Variants in FAM181B observed in about 807,000 individuals in gnomAD.
The protein encoded by FAM181B is family with sequence similarity 181 member B.
In FAM181B, 13 loss-of-function variants were observed where a neutral mutation model predicts 17.8. The observed-to-expected ratio is 0.73, with a 90% CI of 0.48 to 1.16. FAM181B has a LOEUF of 1.16. Among genes scored for constraint, FAM181B ranks in the 50% most tolerant of loss-of-function variants. The pLI is 0.00. For missense variants in FAM181B, 725 were observed against 634.1 expected, an observed-to-expected ratio of 1.14 and a Z score of -1.54; for synonymous variants, 338 against 316.5, an observed-to-expected ratio of 1.07 and a Z score of -0.72.
chr11:82,732,568 G>A lies in FAM181B; in HGVS notation c.1162C>T (p.Pro388Ser). Residue 388 changes from proline (P) to serine (S), a missense_variant, in exon 1 of 1, where the codon CCC becomes TCC. By Grantham distance (74) the Pro-to-Ser change is moderately conservative. Coordinates refer to ENST00000329203, the MANE Select transcript of FAM181B (RefSeq NM_175885.4). ...CTGTAATCGTAGGACACCTGATGGG[G>A]CGGCGGCGGCGGGGGCAGGGCGCAG... is the stretch of plus-strand genomic sequence containing the variant. Reference protein sequence around the residue: ...PDCALPPPPPPHQVSYDYSAG... With the variant: ...PDCALPPPPPSHQVSYDYSAG... 6.3e-7 allele frequency: 1 copy of A among 1,599,930 alleles called. No homozygotes were observed. The highest frequency in any genetic ancestry group is 8.5e-7 in the Non-Finnish European group (1 of 1,173,398).
In FAM181B at chr11:82,733,760, G is replaced by C; in HGVS notation, c.-31C>G. On this transcript the variant is annotated 5_prime_UTR_variant, in exon 1 of 1. Coordinates refer to ENST00000329203, the MANE Select transcript of FAM181B (RefSeq NM_175885.4). Reference sequence around the variant, plus strand: ...CGGCTCCCGGGCTGTCCGCAGCGCTGCCCGTGCGCCCCCGCCAGCTCCTGC... The same window carrying C: ...CGGCTCCCGGGCTGTCCGCAGCGCTCCCCGTGCGCCCCCGCCAGCTCCTGC... 1 of 1,305,890 alleles carries C rather than the reference G, an allele frequency of 7.7e-7. No homozygotes were observed. Among genetic ancestry groups the C allele is most frequent in the East Asian group, 3.1e-5 (1 of 31,746 alleles). 80.9% of individuals were successfully genotyped at this position (1,305,890 alleles called of 1,614,324 possible).
chr11:82,731,370 T>C lies in FAM181B; in HGVS notation c.*1079A>G, dbSNP rs1230466378. 1 of 152,098 alleles carries C rather than the reference T, an allele frequency of 6.6e-6. No homozygotes were observed. The highest frequency in any genetic ancestry group is 1.5e-5 in the Non-Finnish European group (1 of 68,040). 9.4% of individuals were successfully genotyped at this position (152,098 alleles called of 1,614,324 possible). ...GATGGTAAAGAGGATGTACAGCTTG[T>C]AAGGGAAAGGGCAATCACCAGGCAA... On this transcript the variant is annotated 3_prime_UTR_variant, in exon 1 of 1. Coordinates refer to ENST00000329203, the MANE Select transcript of FAM181B (RefSeq NM_175885.4).
Position 82,731,954 on chromosome 11 carries a change from C to G in FAM181B, c.*495G>C, listed in dbSNP as rs187572073. On this transcript the variant is annotated 3_prime_UTR_variant, in exon 1 of 1. Coordinates refer to ENST00000329203, the MANE Select transcript of FAM181B (RefSeq NM_175885.4). ...CACCTAACAAAGCTAAGCGACCAGA[C>G]GGAAAACCGTCCTGTAAGAAAACAC... is the stretch of plus-strand genomic sequence containing the variant. The G allele has an allele frequency of 6.5e-6, 1 of 153,620 alleles. No individual in the cohort carries two copies. The highest frequency in any genetic ancestry group is 2.4e-5 in the African/African-American group (1 of 41,460). 9.5% of individuals were successfully genotyped at this position (153,620 alleles called of 1,614,324 possible).
rs1591001529 is a variant in FAM181B, at chr11:82,730,763, C to G, written c.*1686G>C. 1 of 152,184 alleles carries G rather than the reference C, an allele frequency of 6.6e-6. No individual in the cohort carries two copies. The highest frequency in any genetic ancestry group is 2.4e-5 in the African/African-American group (1 of 41,446). 9.4% of individuals were successfully genotyped at this position (152,184 alleles called of 1,614,324 possible). On this transcript the variant is annotated 3_prime_UTR_variant, in exon 1 of 1. Transcript: ENST00000329203. The stretch of plus-strand genomic sequence containing the variant: ...TTAATACTCATTTTTTCCAGAAATT[C>G]TTTTATGAAAATATCACAATACTTT...
chr11:82,733,749 T>TCCGCAGCGCTGC lies in FAM181B; in HGVS notation c.-32_-21dup, dbSNP rs1363958174. On this transcript the variant is annotated 5_prime_UTR_variant, in exon 1 of 1. Coordinates refer to ENST00000329203, the MANE Select transcript of FAM181B (RefSeq NM_175885.4). ...CGCCATCGCCGCGGCTCCCGGGCTG[T>TCCGCAGCGCTGC]CCGCAGCGCTGCCCGTGCGCCCCCG... is the stretch of plus-strand genomic sequence containing the variant. 7.4e-7 allele frequency: 1 copy of TCCGCAGCGCTGC among 1,349,500 alleles called. No homozygotes were observed. The highest frequency in any genetic ancestry group is 1.5e-5 in the African/African-American group (1 of 65,380). The allele number at this position is 1,349,500 out of a possible 1,614,324, so 83.6% of individuals were successfully genotyped here. A position where few individuals can be genotyped will look rare whatever the true frequency, so the allele number is the denominator to read the frequency against.
Position 82,733,581 on chromosome 11 carries a change from A to G in FAM181B, c.149T>C (p.Leu50Pro), listed in dbSNP as rs763711151. The G allele has an allele frequency of 6.2e-7, 1 of 1,603,290 alleles. No individual in the cohort carries two copies. The highest frequency in any genetic ancestry group is 8.5e-7 in the Non-Finnish European group (1 of 1,178,772). The change falls in exon 1 of 1, where the codon CTG becomes CCG. Residue 50 changes from leucine (L) to proline (P), a missense_variant. Transcript: ENST00000329203. ...GTCCCCTCCTTCGGCTCCCGACAGCAGCGCACCCGCCGGAGCCCCGGTCTC... is the reference window on the plus strand; with the variant it reads ...GTCCCCTCCTTCGGCTCCCGACAGCGGCGCACCCGCCGGAGCCCCGGTCTC... ...DDETGAPAGA[L>P]LSGAEGGDVR...
Position 82,733,762 on chromosome 11 carries a change from C to G in FAM181B, c.-33G>C. The G allele has an allele frequency of 7.7e-7, 1 of 1,303,490 alleles. No homozygotes were observed. Among genetic ancestry groups the G allele is most frequent in the Non-Finnish European group, 9.7e-7 (1 of 1,026,472 alleles). 80.7% of individuals were successfully genotyped at this position (1,303,490 alleles called of 1,614,324 possible). A position where few individuals can be genotyped will look rare whatever the true frequency, so the allele number is the denominator to read the frequency against. On this transcript the variant is annotated 5_prime_UTR_variant, in exon 1 of 1. Coordinates refer to ENST00000329203, the MANE Select transcript of FAM181B (RefSeq NM_175885.4). ...GCTCCCGGGCTGTCCGCAGCGCTGC[C>G]CGTGCGCCCCCGCCAGCTCCTGCCC... is the stretch of plus-strand genomic sequence containing the variant.
rs745663474 is a variant in FAM181B, at chr11:82,733,541, GGTGGCCTCGCGC to G, written c.177_188del (p.Glu61_Arg64del). The G allele has an allele frequency of 7.5e-6, 12 of 1,607,394 alleles. No individual in the cohort carries two copies. The highest frequency in any genetic ancestry group is 7.6e-6 in the Non-Finnish European group (9 of 1,179,056). ...AGTCAATGAAGCTGAGTAGATCGCG[GGTGGCCTCGCGC>G]ACGTCCCCTCCTTCGGCTCCCGACA... On this transcript the variant is annotated inframe_deletion, in exon 1 of 1. Transcript: ENST00000329203.
Position 82,733,555 on chromosome 11 carries a change from C to G in FAM181B, c.175G>C (p.Val59Leu). The G allele has an allele frequency of 3.7e-6, 6 of 1,601,654 alleles. No individual in the cohort carries two copies. The highest frequency in any genetic ancestry group is 5.1e-6 in the Non-Finnish European group (6 of 1,177,262). The stretch of plus-strand genomic sequence containing the variant: ...AGTAGATCGCGGGTGGCCTCGCGCA[C>G]GTCCCCTCCTTCGGCTCCCGACAGC... ...ALLSGAEGGDVREATRDLLSF... is the reference protein window; with the variant it reads ...ALLSGAEGGDLREATRDLLSF... Residue 59 changes from valine to leucine, a missense_variant, in exon 1 of 1, where the codon GTG becomes CTG. Val to Leu is a conservative substitution (Grantham distance 32). Coordinates refer to ENST00000329203, the MANE Select transcript of FAM181B (RefSeq NM_175885.4).
chr11:82,732,821 C>A lies in FAM181B; in HGVS notation c.909G>T (p.Leu303=). ...GCGGCGGCTCAAAGAGGCCGGGCTCCAGCTCCGGGGGTCCCCGCAGTACGG... is the reference window on the plus strand; with the variant it reads ...GCGGCGGCTCAAAGAGGCCGGGCTCAAGCTCCGGGGGTCCCCGCAGTACGG... The part of the protein sequence containing the change: ...GASVLRGPPE[L]EPGLFEPPPA... Residue 303 remains leucine, a synonymous_variant, in exon 1 of 1, where the codon CTG becomes CTT. Transcript: ENST00000329203. 6.6e-7 allele frequency: 1 copy of A among 1,522,706 alleles called. No homozygotes were observed. The highest frequency in any genetic ancestry group is 8.8e-7 in the Non-Finnish European group (1 of 1,134,196). The allele number at this position is 1,522,706 out of a possible 1,614,324, so 94.3% of individuals were successfully genotyped here.
In FAM181B at chr11:82,733,182, C is replaced by T; in HGVS notation, c.548G>A (p.Gly183Glu). 1 of 1,366,208 alleles carries T rather than the reference C, an allele frequency of 7.3e-7. No individual in the cohort carries two copies. Among genetic ancestry groups the T allele is most frequent in the African/African-American group, 1.5e-5 (1 of 65,630 alleles). The allele number at this position is 1,366,208 out of a possible 1,614,324, so 84.6% of individuals were successfully genotyped here. Reference protein sequence around the residue: ...RHVPGGAEPAGGEVAAPAAGL... With the variant: ...RHVPGGAEPAEGEVAAPAAGL... Reference sequence around the variant, plus strand: ...GGCCGCCGGCGCAGCCACCTCACCCCCCGCCGGCTCGGCACCCCCGGGGAC... The same window carrying T: ...GGCCGCCGGCGCAGCCACCTCACCCTCCGCCGGCTCGGCACCCCCGGGGAC... The change falls in exon 1 of 1, where the codon GGG (glycine) becomes GAG (glutamate). Residue 183 changes from glycine to glutamate, a missense_variant. Coordinates refer to ENST00000329203, the MANE Select transcript of FAM181B (RefSeq NM_175885.4).
In FAM181B at chr11:82,732,117, T is replaced by A; in HGVS notation, c.*332A>T. Reference sequence around the variant, plus strand: ...AAATACACTGACCTTCGCTGAAAAATAGAAGGGACAGGTGGCTACAGAAGC... The same window carrying A: ...AAATACACTGACCTTCGCTGAAAAAAAGAAGGGACAGGTGGCTACAGAAGC... On this transcript the variant is annotated 3_prime_UTR_variant, in exon 1 of 1. Coordinates refer to ENST00000329203, the MANE Select transcript of FAM181B (RefSeq NM_175885.4). 2.9e-6 allele frequency: 1 copy of A among 341,680 alleles called. No individual in the cohort carries two copies. Among genetic ancestry groups the A allele is most frequent in the Non-Finnish European group, 5.3e-6 (1 of 188,704 alleles). 21.2% of individuals were successfully genotyped at this position (341,680 alleles called of 1,614,324 possible). A position where few individuals can be genotyped will look rare whatever the true frequency, so the allele number is the denominator to read the frequency against.
chr11:82,733,310 CG>C lies in FAM181B; in HGVS notation c.419del (p.Pro140ArgfsTer54). ...AAPSAPTVAAPAHGKAAPRRE... is the reference protein window; with the variant it reads ...AAPSAPTVAAXAHGKAAPRRE... ...GCCGGGGGGCAGCCTTGCCGTGGGC[CG>C]GGGCCGCGACTGTCGGGGCGCTAGG... is the stretch of plus-strand genomic sequence containing the variant. On this transcript the variant is annotated frameshift_variant, in exon 1 of 1. Transcript: ENST00000329203. LOFTEE classifies it high-confidence loss of function. 1 of 1,231,032 alleles carries C rather than the reference CG, an allele frequency of 8.1e-7. No homozygotes were observed. Among genetic ancestry groups the C allele is most frequent in the Non-Finnish European group, 1.0e-6 (1 of 990,116 alleles). The allele number at this position is 1,231,032 out of a possible 1,614,324, so 76.3% of individuals were successfully genotyped here. A position where few individuals can be genotyped will look rare whatever the true frequency, so the allele number is the denominator to read the frequency against.
At position 82,732,746 on chromosome 11, in the gene FAM181B, G is replaced by A. The variant is rs1448654829; in HGVS notation, c.984C>T (p.Gly328=). 22 of 1,464,890 alleles carry A rather than the reference G, an allele frequency of 1.5e-5. No homozygotes were observed. The highest frequency in any genetic ancestry group is 1.8e-5 in the Non-Finnish European group (20 of 1,107,344). 90.7% of individuals were successfully genotyped at this position (1,464,890 alleles called of 1,614,324 possible). Residue 328 remains glycine, a synonymous_variant, in exon 1 of 1, where the codon GGC becomes GGT. Transcript: ENST00000329203. ...GGGGGCTCTTTTTGGTCGGGGAGCA[G>A]CCCGGGACGCTCCAGGGCTCGGGGT... ...LLYPEPWSVP[G]CSPTKKSPLT...
rs908321645 is a variant in FAM181B at position 82,733,183 on chromosome 11, C to T, written c.547G>A (p.Gly183Arg). 5.9e-6 allele frequency: 8 copies of T among 1,365,912 alleles called. No individual in the cohort carries two copies. The highest frequency in any genetic ancestry group is 7.5e-6 in the Non-Finnish European group (8 of 1,068,394). 84.6% of individuals were successfully genotyped at this position (1,365,912 alleles called of 1,614,324 possible). A position where few individuals can be genotyped will look rare whatever the true frequency, so the allele number is the denominator to read the frequency against. Residue 183 changes from glycine to arginine, a missense_variant, in exon 1 of 1, where the codon GGG (glycine) becomes AGG (arginine). By Grantham distance (125) the Gly-to-Arg change is moderately radical. Coordinates refer to ENST00000329203, the MANE Select transcript of FAM181B (RefSeq NM_175885.4). The stretch of plus-strand genomic sequence containing the variant: ...GCCGCCGGCGCAGCCACCTCACCCC[C>T]CGCCGGCTCGGCACCCCCGGGGACG... Reference protein sequence around the residue: ...RHVPGGAEPAGGEVAAPAAGL... With the variant: ...RHVPGGAEPARGEVAAPAAGL...
rs1433841959 is a variant in FAM181B, at chr11:82,732,466, C to A, written c.1264G>T (p.Gly422Trp). ...GVWEGAPGEEGAHRD is the reference protein window; with the variant it reads ...GVWEGAPGEEWAHRD ...CCTCGAAGTCAGTCCCGGTGCGCCC[C>A]CTCCTCCCCCGGCGCCCCTTCCCAA... The change falls in exon 1 of 1, where the codon GGG becomes TGG. Residue 422 changes from glycine (G) to tryptophan (W), a missense_variant. Physicochemically the swap from Gly to Trp is radical, Grantham distance 184 (BLOSUM62 -2). Transcript: ENST00000329203. The A allele has an allele frequency of 6.2e-7, 1 of 1,612,860 alleles. No individual in the cohort carries two copies. The highest frequency in any genetic ancestry group is 1.3e-5 in the African/African-American group (1 of 74,916).
In FAM181B at chr11:82,731,560, A is replaced by G. The variant is rs929950693; in HGVS notation, c.*889T>C. On this transcript the variant is annotated 3_prime_UTR_variant, in exon 1 of 1. Coordinates refer to ENST00000329203, the MANE Select transcript of FAM181B (RefSeq NM_175885.4). The stretch of plus-strand genomic sequence containing the variant: ...CAACCAGTTGTGAAGTGAGTAGAAG[A>G]ACATTACCGTCTTCACCCTCTCAGA... 2 of 152,262 alleles carry G rather than the reference A, an allele frequency of 1.3e-5. No homozygotes were observed. Among genetic ancestry groups the G allele is most frequent in the Non-Finnish European group, 2.9e-5 (2 of 68,070 alleles). 9.4% of individuals were successfully genotyped at this position (152,262 alleles called of 1,614,324 possible).
At position 82,733,499 on chromosome 11, in the gene FAM181B, G is replaced by C. The variant is rs780433938; in HGVS notation, c.231C>G (p.Ile77Met). ...LSFIDSASSNIKLALDKPGKS... is the reference protein window; with the variant it reads ...LSFIDSASSNMKLALDKPGKS... ...TGCCCGGCTTGTCCAGCGCCAGCTT[G>C]ATGTTGCTGGACGCCGAGTCAATGA... Residue 77 changes from isoleucine (I) to methionine (M), a missense_variant, in exon 1 of 1, where the codon ATC becomes ATG. Transcript: ENST00000329203. 2 of 1,607,616 alleles carry C rather than the reference G, an allele frequency of 1.2e-6. No homozygotes were observed. Among genetic ancestry groups the C allele is most frequent in the East Asian group, 2.2e-5 (1 of 44,544 alleles).
Position 82,733,324 on chromosome 11 carries a change from T to G in FAM181B, c.406A>C (p.Thr136Pro). ...KRPLAAPSAPTVAAPAHGKAA... is the reference protein window; with the variant it reads ...KRPLAAPSAPPVAAPAHGKAA... The stretch of plus-strand genomic sequence containing the variant: ...TTGCCGTGGGCCGGGGCCGCGACTG[T>G]CGGGGCGCTAGGGGCGGCCAGCGGC... Residue 136 changes from threonine to proline, a missense_variant, in exon 1 of 1, where the codon ACA becomes CCA. Coordinates refer to ENST00000329203, the MANE Select transcript of FAM181B (RefSeq NM_175885.4). The G allele has an allele frequency of 8.7e-6, 11 of 1,263,340 alleles. No individual in the cohort carries two copies. Among genetic ancestry groups the G allele is most frequent in the Non-Finnish European group, 1.1e-5 (11 of 1,008,050 alleles). The allele number at this position is 1,263,340 out of a possible 1,614,324, so 78.3% of individuals were successfully genotyped here. A position where few individuals can be genotyped will look rare whatever the true frequency, so the allele number is the denominator to read the frequency against.
Sources: gnomAD v4.1 joint callset for allele counts on GRCh38, gnomAD v4.1.1 for gene constraint, MANE v1.5 for transcripts, NCBI Gene and HGNC (gene_info 2026-07-23, HGNC 2026-07-21) for gene names.